DLGAP2: variants seen among roughly 807,000 people sequenced by gnomAD.
The protein encoded by DLGAP2 is disks large-associated protein 2.
In DLGAP2, 26 loss-of-function variants were observed where a neutral mutation model predicts 100.3. The observed-to-expected ratio is 0.26, with a 90% CI of 0.19 to 0.36. DLGAP2 has a LOEUF of 0.36. Ranked by LOEUF, DLGAP2 falls within the 10% of genes least tolerant of loss-of-function variation. The pLI is 1.00. For missense variants in DLGAP2, 1,858 were observed against 1,453.2 expected, an observed-to-expected ratio of 1.28 and a Z score of -4.53; for synonymous variants, 886 against 630.1, an observed-to-expected ratio of 1.41 and a Z score of -6.08.
intron 2 of DLGAP2, among the ~76,000 whole-genome samples, chr8:971,426 C>T (rs1800011507): frequency 6.6e-6 from 1 of 152,150 alleles, no homozygotes. Context: ...TGTTCCTCCC[C>T]AAAATTGGAG....
At chr8:1,546,958 G>A (rs1320004785) in intron 4 of DLGAP2, among the ~76,000 whole-genome samples, 2 of 152,174 alleles carry the variant, frequency 1.3e-5, no homozygotes, top group Admixed American at 6.5e-5. Context: ...CTCAGCCGTC[G>A]AGGTGGCCAC....
At chr8:1,477,729 T>G (rs1281373788) in intron 3 of DLGAP2, among the ~76,000 whole-genome samples, 1 of 152,010 alleles carries the variant, frequency 6.6e-6, no homozygotes, top group African/African-American at 2.4e-5. Flanking sequence ...TATGGATTAT[T>G]ATCGGTTCAT....
intron 2 of DLGAP2, among the ~76,000 whole-genome samples, chr8:1,039,428 G>A (rs1462668133): frequency 1.3e-5 from 2 of 148,442 alleles, no homozygotes; most frequent in African/African-American, 2.5e-5. Context: ...CTCGGTTTCT[G>A]TAGTCGGCTC....
chr8:1,614,604 C>A (rs1797089071), intron 6 of DLGAP2, among the ~76,000 whole-genome samples: 1 of 152,344 alleles, frequency 6.6e-6, no homozygotes, highest in Non-Finnish European at 1.5e-5. Context: ...ACCTCCCAGG[C>A]GGAGCCCCCT....
intron 4 of DLGAP2, among the ~76,000 whole-genome samples, chr8:1,546,036 A>G (rs537289638): frequency 2.0e-5 from 3 of 152,232 alleles, no homozygotes; most frequent in East Asian, 1.9e-4. Flanking sequence ...TAGTTTTGCT[A>G]TTTAGCAGTT....
rs1442661719 is a variant in DLGAP2, at chr8:1,626,712, G to A, written c.1443-28G>A. On this transcript the variant is annotated intron_variant, in intron 6 of 14. Coordinates refer to ENST00000637795, the MANE Select transcript of DLGAP2 (RefSeq NM_001346810.2). Reference sequence around the variant, plus strand: ...GCCCTGCAGCGGGTGCTCACAGAATGCCTTTTCTCCTTTCTTCTTTCCTGT... The same window carrying A: ...GCCCTGCAGCGGGTGCTCACAGAATACCTTTTCTCCTTTCTTCTTTCCTGT... 2.3e-5 allele frequency: 36 copies of A among 1,576,148 alleles called. 1 individual carries two copies. Among genetic ancestry groups the A allele is most frequent in the Non-Finnish European group, 2.8e-5 (33 of 1,161,310 alleles).
chr8:1,268,591 T>A (rs750045600), intron 3 of DLGAP2, among the ~76,000 whole-genome samples: 1 of 152,214 alleles, frequency 6.6e-6, no homozygotes, highest in Non-Finnish European at 1.5e-5. Context: ...TTAACATCTT[T>A]CCGCTGATCT....
chr8:1,294,099 T>G (rs1321229069), intron 3 of DLGAP2, among the ~76,000 whole-genome samples: 2 of 152,108 alleles, frequency 1.3e-5, no homozygotes, highest in Non-Finnish European at 2.9e-5. Context: ...CAAAACTATG[T>G]GGAGGAGCAG....
At chr8:1,142,009 A>G (rs902798082) in intron 2 of DLGAP2, among the ~76,000 whole-genome samples, 2 of 151,958 alleles carry the variant, frequency 1.3e-5, no homozygotes, top group Non-Finnish European at 2.9e-5. Flanking sequence ...GGAGAAATAC[A>G]TCTCAAGGTA....
chr8:1,456,527 A>G (rs1454946111), intron 3 of DLGAP2, among the ~76,000 whole-genome samples: 1 of 152,222 alleles, frequency 6.6e-6, no homozygotes, highest in Admixed American at 6.5e-5. Flanking sequence ...GGTCCCAGAA[A>G]AGGCCCATTT....
At chr8:760,813 C>A (rs555585756) in intron 1 of DLGAP2, among the ~76,000 whole-genome samples, 1 of 152,184 alleles carries the variant, frequency 6.6e-6, no homozygotes, top group Non-Finnish European at 1.5e-5. Context: ...AGCGTCCCCC[C>A]ACCCCTCCCA....
intron 1 of DLGAP2, among the ~76,000 whole-genome samples, chr8:830,951 A>G (rs1796770821): frequency 6.9e-6 from 1 of 145,182 alleles, no homozygotes; most frequent in African/African-American, 2.6e-5. Context: ...GCTGGAGGGC[A>G]GTGGCACAAT....
chr8:862,819 G>T (rs1413002173), intron 1 of DLGAP2, among the ~76,000 whole-genome samples: 2 of 152,182 alleles, frequency 1.3e-5, no homozygotes, highest in Non-Finnish European at 2.9e-5. Context: ...GACTGAGGAT[G>T]CACTGCTGAC....
intron 3 of DLGAP2, among the ~76,000 whole-genome samples, chr8:1,448,528 AGGTGT>A (rs540362033): frequency 1.3e-5 from 2 of 152,100 alleles, no homozygotes; most frequent in African/African-American, 2.4e-5. Context: ...ATTTTGGAAT[AGGTGT>A]GGTGTGGTGC....
intron 2 of DLGAP2, among the ~76,000 whole-genome samples, chr8:1,173,525 G>A (rs1336609504): frequency 2.0e-5 from 3 of 152,204 alleles, no homozygotes; most frequent in African/African-American, 7.2e-5. Flanking sequence ...TTGAGCTGTG[G>A]TGGGCTCCAC....
At chr8:791,049 G>T (rs947211406) in intron 1 of DLGAP2, among the ~76,000 whole-genome samples, 1 of 152,170 alleles carries the variant, frequency 6.6e-6, no homozygotes, top group African/African-American at 2.4e-5. Context: ...GGACCAACAT[G>T]CATTTTTGAG....
At chr8:842,465 C>G (rs1390080782) in intron 1 of DLGAP2, among the ~76,000 whole-genome samples, 5 of 152,222 alleles carry the variant, frequency 3.3e-5, no homozygotes, top group Admixed American at 2.6e-4. Flanking sequence ...ATCTTTCTGT[C>G]TCAACGCCAG....
chr8:1,055,652 A>T (rs1802861122), intron 2 of DLGAP2, among the ~76,000 whole-genome samples: 1 of 152,310 alleles, frequency 6.6e-6, no homozygotes. Context: ...GCCGTCGGAT[A>T]GGCCGTTGGT....
chr8:1,071,012 T>G (rs1803411547), intron 2 of DLGAP2, among the ~76,000 whole-genome samples: 1 of 152,136 alleles, frequency 6.6e-6, no homozygotes, highest in Non-Finnish European at 1.5e-5. Context: ...CAGTGTGCTG[T>G]GGATGAGATT....
Sources: allele counts gnomAD v4.1 joint callset (sites outside exome capture counted in the v4.1 genomes callset), GRCh38; gene constraint gnomAD v4.1.1; transcripts MANE v1.5; gene names NCBI Gene and HGNC (gene_info 2026-07-23, HGNC 2026-07-21).